Variants in NFE2L3 observed in about 807,000 individuals in gnomAD.
The protein encoded by NFE2L3 is NFE2 like bZIP transcription factor 3.
A neutral mutation model predicts 23.5 loss-of-function variants in NFE2L3; 18 were observed. The observed-to-expected ratio is 0.77, with a 90% CI of 0.53 to 1.13. NFE2L3 has a LOEUF of 1.13. NFE2L3 is among the 50% of genes most tolerant of loss of function. NFE2L3 has a pLI of 0.00. For missense variants in NFE2L3, 1,152 were observed against 877.2 expected, an observed-to-expected ratio of 1.31 and a Z score of -3.96; for synonymous variants, 424 against 354.5, an observed-to-expected ratio of 1.20 and a Z score of -2.20.
At chr7:26,184,191 C>A (rs1368046657) in intron 3 of NFE2L3, 3 of 337,566 alleles carry the variant, frequency 8.9e-6, no homozygotes, top group Non-Finnish European at 1.1e-5. Context: ...GTTTATTATC[C>A]CTGACCCTCC....
chr7:26,181,816 T>C (rs1468386009), intron 2 of NFE2L3, among the ~76,000 whole-genome samples: 1 of 152,104 alleles, frequency 6.6e-6, no homozygotes, highest in Admixed American at 6.5e-5. Context: ...CCAAATGAAA[T>C]TCTAGATATG....
intron 1 of NFE2L3, among the ~76,000 whole-genome samples, chr7:26,156,229 A>C (rs554964865): frequency 6.6e-6 from 1 of 152,254 alleles, no homozygotes; most frequent in South Asian, 2.1e-4. Flanking sequence ...AGTTCATTCC[A>C]TGTAAAGGGC....
chr7:26,180,251 G>A (rs558223126), intron 2 of NFE2L3, among the ~76,000 whole-genome samples: 1 of 152,226 alleles, frequency 6.6e-6, no homozygotes, highest in African/African-American at 2.4e-5. Context: ...TTCAGATGAA[G>A]GGGAGGGGGT....
At chr7:26,176,506 G>T (rs1168682574) in intron 1 of NFE2L3, among the ~76,000 whole-genome samples, 22 of 113,048 alleles carry the variant, frequency 1.9e-4, no homozygotes, top group African/African-American at 8.3e-4. Context: ...CATCCCAGAC[G>T]ATGGGCAGCC....
At chr7:26,168,726 G>C (rs1169492028) in intron 1 of NFE2L3, among the ~76,000 whole-genome samples, 4 of 151,940 alleles carry the variant, frequency 2.6e-5, no homozygotes, top group Admixed American at 1.3e-4. Flanking sequence ...CATTTCCTCT[G>C]GGTAGATACC....
At position 26,183,786 on chromosome 7, in the gene NFE2L3, T is replaced by C. The variant is rs761180267; in HGVS notation, c.834+2T>C. The stretch of plus-strand genomic sequence containing the variant: ...TCACAGCCTGAAAATTCACTGGAGG[T>C]AATTGGAACTTTGGCTTTTATCCTC... On this transcript the variant is annotated splice_donor_variant, in intron 3 of 3. Coordinates refer to ENST00000056233, the MANE Select transcript of NFE2L3 (RefSeq NM_004289.7). LOFTEE classifies it high-confidence loss of function. The C allele has an allele frequency of 6.2e-7, 1 of 1,605,838 alleles. No individual in the cohort carries two copies. The highest frequency in any genetic ancestry group is 1.3e-5 in the African/African-American group (1 of 74,794).
intron 1 of NFE2L3, among the ~76,000 whole-genome samples, chr7:26,153,764 C>T (rs1784037155): frequency 6.6e-6 from 1 of 152,206 alleles, no homozygotes; most frequent in Non-Finnish European, 1.5e-5. Context: ...CCTTCTCTGG[C>T]TTAACTTCTT....
At chr7:26,175,791 A>G (rs1784393020) in intron 1 of NFE2L3, among the ~76,000 whole-genome samples, 2 of 151,668 alleles carry the variant, frequency 1.3e-5, no homozygotes, top group South Asian at 4.2e-4. Flanking sequence ...AAAAAAAAAA[A>G]AAATAGTTTC....
chr7:26,178,490 G>A (rs1304032443), intron 2 of NFE2L3, among the ~76,000 whole-genome samples: 1 of 152,180 alleles, frequency 6.6e-6, no homozygotes, highest in African/African-American at 2.4e-5. Context: ...GTCCAGGAGA[G>A]CAAGCCGAGG....
Position 26,178,066 on chromosome 7 carries a change from A to G in NFE2L3, c.694A>G (p.Lys232Glu), listed in dbSNP as rs1370965780. The G allele has an allele frequency of 1.2e-6, 2 of 1,614,168 alleles. No individual in the cohort carries two copies. Among genetic ancestry groups the G allele is most frequent in the Admixed American group, 1.7e-5 (1 of 60,020 alleles). ...SLQQNDDDEN[K>E]IAEKPDWEAE... ...TCAGCAGAATGATGATGATGAAAAC[A>G]AAATAGCAGAGAAACCTGACTGGGA... The change falls in exon 2 of 4, where the codon AAA becomes GAA. Residue 232 changes from lysine to glutamate, a missense_variant. Transcript: ENST00000056233.
chr7:26,153,402 A>G (rs1376638603), intron 1 of NFE2L3, among the ~76,000 whole-genome samples: 5 of 152,176 alleles, frequency 3.3e-5, no homozygotes, highest in African/African-American at 7.2e-5. Context: ...CCTCATGTAC[A>G]CTGGGGTGTC....
chr7:26,175,607 G>C (rs111977307), intron 1 of NFE2L3, among the ~76,000 whole-genome samples: 2 of 151,704 alleles, frequency 1.3e-5, no homozygotes, highest in East Asian at 3.9e-4. Flanking sequence ...GAAACCCTGT[G>C]TCTACTAAAA....
rs1346241446 is a variant in NFE2L3, at chr7:26,164,929, T to G, written c.570+11861T>G. Among the ~76,000 whole-genome samples the G allele has an allele frequency of 4.6e-5, 7 of 152,134 alleles. No individual in the cohort carries two copies. The East Asian group carries it at 7.7e-4, about 17-fold the overall frequency. On this transcript the variant is annotated intron_variant, in intron 1 of 3. Coordinates refer to ENST00000056233, the MANE Select transcript of NFE2L3 (RefSeq NM_004289.7). ...TTAAATAGGGAATCCTTTCCCCATTTCTTGTTTTTGTCAAAGATCAGATAG... is the reference window on the plus strand; with the variant it reads ...TTAAATAGGGAATCCTTTCCCCATTGCTTGTTTTTGTCAAAGATCAGATAG...
At chr7:26,174,524 A>C (rs1040443754) in intron 1 of NFE2L3, 4 of 152,242 alleles carry the variant, frequency 2.6e-5, no homozygotes, top group Non-Finnish European at 4.4e-5. Context: ...GGAAATGTGC[A>C]AAGGGAGAGA....
chr7:26,154,080 G>C (rs1784046190), intron 1 of NFE2L3, among the ~76,000 whole-genome samples: 1 of 152,166 alleles, frequency 6.6e-6, no homozygotes, highest in Non-Finnish European at 1.5e-5. Flanking sequence ...CGTTTGTGTA[G>C]GCTGTTGCCA....
intron 3 of NFE2L3, chr7:26,184,010 T>G: frequency 2.0e-6 from 1 of 510,232 alleles, no homozygotes; most frequent in East Asian, 3.3e-5. Context: ...GCGTGGAGAT[T>G]TCTCAAAAAA....
chr7:26,152,570 G>T lies in NFE2L3; in HGVS notation c.72G>T (p.Ala24=), dbSNP rs1372240487. Residue 24 remains alanine, a synonymous_variant, in exon 1 of 4, where the codon GCG becomes GCT. Transcript: ENST00000056233. The surrounding 1 kb of genome is among the most constrained non-coding windows in gnomAD (Gnocchi z 4.4). The part of the protein sequence containing the change: ...LLHLTLLLSL[A]GLRVDLDLYL... Reference sequence around the variant, plus strand: ...ACCTCACCCTCCTGCTGAGCTTGGCGGGGCTCCGCGTAGACCTAGATCTTT... The same window carrying T: ...ACCTCACCCTCCTGCTGAGCTTGGCTGGGCTCCGCGTAGACCTAGATCTTT... 1.3e-6 allele frequency: 2 copies of T among 1,530,674 alleles called. No individual in the cohort carries two copies. The highest frequency in any genetic ancestry group is 1.7e-6 in the Non-Finnish European group (2 of 1,148,234). The allele number at this position is 1,530,674 out of a possible 1,614,324, so 94.8% of individuals were successfully genotyped here. A position where few individuals can be genotyped will look rare whatever the true frequency, so the allele number is the denominator to read the frequency against.
intron 1 of NFE2L3, among the ~76,000 whole-genome samples, chr7:26,167,916 T>A (rs919112682): frequency 2.6e-5 from 4 of 152,176 alleles, no homozygotes; most frequent in African/African-American, 9.7e-5. Flanking sequence ...AAAATGAATA[T>A]CTGATTTTTT....
Position 26,152,597 on chromosome 7 carries a change from C to CCTG in NFE2L3, c.107_109dup (p.Leu36dup), listed in dbSNP as rs562537498. 7,498 of 1,547,516 alleles carry CCTG rather than the reference C, an allele frequency of 4.8e-3. 259 individuals are homozygous for CCTG. In the African/African-American group the frequency reaches 0.082, roughly 17 times the overall value. ...GGCTCCGCGTAGACCTAGATCTTTA[C>CCTG]CTGCTGCTGCCGCCGCCCACCCTGC... On this transcript the variant is annotated inframe_insertion, in exon 1 of 4. Coordinates refer to ENST00000056233, the MANE Select transcript of NFE2L3 (RefSeq NM_004289.7). This position sits in a 1 kb window ranked among gnomAD's most constrained non-coding sequence, Gnocchi z 4.4.
Sources: gnomAD v4.1 joint callset for allele counts (sites outside exome capture counted in the v4.1 genomes callset) on GRCh38, gnomAD v4.1.1 for gene constraint, Gnocchi (gnomAD v3.1) non-coding constraint, MANE v1.5 for transcripts, NCBI Gene and HGNC (gene_info 2026-07-23, HGNC 2026-07-21) for gene names.